Variants in FMNL3 observed in about 807,000 individuals in gnomAD.
The protein encoded by FMNL3 is formin like 3, also known as formin-like protein 3.
A neutral mutation model predicts 119.6 loss-of-function variants in FMNL3; 57 were observed. The observed-to-expected ratio is 0.48, with a 90% CI of 0.39 to 0.59. FMNL3 has a LOEUF of 0.59. FMNL3 is among the 20% of genes least tolerant of loss of function. The probability of loss-of-function intolerance (pLI) is 0.00; values close to 1 mark genes in which losing one functional copy is unlikely to be tolerated. For synonymous variants in FMNL3, 491 were observed against 507.3 expected (o/e 0.97, Z 0.43); for missense variants, 1,053 against 1,323.5 (o/e 0.80, Z 3.17).
chr12:49,664,704 GCA>G, intron 4 of FMNL3, among the ~76,000 whole-genome samples: 1 of 152,202 alleles, frequency 6.6e-6, no homozygotes, highest in Non-Finnish European at 1.5e-5. Flanking sequence ...GGCCACCAGA[GCA>G]CAGTTACTGA....
At chr12:49,683,617 T>C (rs893161953) in intron 1 of FMNL3, among the ~76,000 whole-genome samples, 1 of 152,172 alleles carries the variant, frequency 6.6e-6, no homozygotes, top group African/African-American at 2.4e-5. Context: ...TAGGCTCCCA[T>C]CATCACCACC....
Position 49,649,408 on chromosome 12 carries a change from G to T in FMNL3, c.2304+62C>A. The T allele has an allele frequency of 6.2e-7, 1 of 1,612,666 alleles. No individual in the cohort carries two copies. Among genetic ancestry groups the T allele is most frequent in the Non-Finnish European group, 8.5e-7 (1 of 1,178,850 alleles). ...AAGGCTCCTTCTTCCTCTCTGTATAGCCCCAGGCCCCCACCTAGGACCTGA... is the reference window on the plus strand; with the variant it reads ...AAGGCTCCTTCTTCCTCTCTGTATATCCCCAGGCCCCCACCTAGGACCTGA... On this transcript the variant is annotated intron_variant, in intron 19 of 25. Transcript: ENST00000335154. This position sits in a 1 kb window ranked among gnomAD's most constrained non-coding sequence, Gnocchi z 5.6.
intron 5 of FMNL3, among the ~76,000 whole-genome samples, chr12:49,660,509 C>T (rs1218876274): frequency 6.6e-6 from 1 of 152,120 alleles, no homozygotes; most frequent in Non-Finnish European, 1.5e-5. Flanking sequence ...TCTGCTGAGA[C>T]AAGAATGCAG....
In FMNL3 at chr12:49,642,678, G is replaced by A; in HGVS notation, c.*3137C>T. ...GGGAGTTCCTACAGGTGCTGGAGGT[G>A]AGGCAGGCTTGTCCTCTGGATCTGC... On this transcript the variant is annotated 3_prime_UTR_variant, in exon 26 of 26. Transcript: ENST00000335154. The surrounding 1 kb of genome is among the most constrained non-coding windows in gnomAD (Gnocchi z 5.8). The A allele has an allele frequency of 6.2e-7, 1 of 1,613,540 alleles. No individual in the cohort carries two copies. The highest frequency in any genetic ancestry group is 1.1e-5 in the South Asian group (1 of 90,936).
At chr12:49,651,716 T>C (rs559151186) in intron 14 of FMNL3, among the ~76,000 whole-genome samples, 1 of 152,232 alleles carries the variant, frequency 6.6e-6, no homozygotes, top group Non-Finnish European at 1.5e-5. Context: ...ATCTTTATGA[T>C]CCTTAAAACA....
In FMNL3 at chr12:49,656,516, A is replaced by G; in HGVS notation, c.792-19T>C. 6.2e-7 allele frequency: 1 copy of G among 1,603,804 alleles called. No individual in the cohort carries two copies. Among genetic ancestry groups the G allele is most frequent in the Middle Eastern group, 1.7e-4 (1 of 6,026 alleles). ...TTTGGTCCTAAGGGGTGAAGAAGGA[A>G]GATTAACACCCTAACTCCCCATCCT... On this transcript the variant is annotated intron_variant, in intron 8 of 25. Transcript: ENST00000335154.
Position 49,650,815 on chromosome 12 carries a change from G to A in FMNL3, c.1861C>T (p.Leu621Phe), listed in dbSNP as rs779652912. Reference protein sequence around the residue: ...KTKAQGPALDLICSKNKTAQK... With the variant: ...KTKAQGPALDFICSKNKTAQK... ...GCTGTCTTGTTTTTGGAGCAGATGA[G>A]GTCAAGGGCAGGGCCCTGCGCTTTT... The change falls in exon 17 of 26, where the codon CTC becomes TTC. Residue 621 changes from leucine (L) to phenylalanine (F), a missense_variant. Physicochemically the swap from Leu to Phe is conservative, Grantham distance 22. Coordinates refer to ENST00000335154, the MANE Select transcript of FMNL3 (RefSeq NM_175736.5). 23 of 1,614,086 alleles carry A rather than the reference G, an allele frequency of 1.4e-5. No individual in the cohort carries two copies. The highest frequency in any genetic ancestry group is 5.0e-5 in the Admixed American group (3 of 60,008).
In FMNL3 at chr12:49,647,141, C is replaced by G. The variant is rs2138701722; in HGVS notation, c.2872-132G>C. The G allele has an allele frequency of 1.3e-6, 2 of 1,555,462 alleles. No homozygotes were observed. The highest frequency in any genetic ancestry group is 4.5e-5 in the East Asian group (2 of 44,426). On this transcript the variant is annotated intron_variant, in intron 24 of 25. Coordinates refer to ENST00000335154, the MANE Select transcript of FMNL3 (RefSeq NM_175736.5). The surrounding 1 kb of genome is among the most constrained non-coding windows in gnomAD (Gnocchi z 4.9). ...GAATCCCCAAAGGCCCTCCCTCCAT[C>G]CCTCTGGATGCCAGCCCACTGGCCC... is the stretch of plus-strand genomic sequence containing the variant.
rs376434775 is a variant in FMNL3, at chr12:49,643,262, C to T, written c.*2553G>A. On this transcript the variant is annotated 3_prime_UTR_variant, in exon 26 of 26. Transcript: ENST00000335154. ...AGAAGAGGAGCTGCCCCCACCATCT[C>T]TCCGGCCCCCCAAGCGGAGGAGGCG... 8.1e-6 allele frequency: 13 copies of T among 1,614,000 alleles called. No homozygotes were observed. In the South Asian group the frequency reaches 1.2e-4, roughly 15 times the overall value.
chr12:49,646,047 C>A, intron 25 of FMNL3, 144 bp from the exon 26 acceptor site: 1 of 652,570 alleles, frequency 1.5e-6, no homozygotes, highest in East Asian at 3.1e-5. Context: ...TGAGGGGTAC[C>A]CAGTTGGGGA....
At chr12:49,660,642 G>T (rs1370748606) in intron 5 of FMNL3, among the ~76,000 whole-genome samples, 1 of 152,212 alleles carries the variant, frequency 6.6e-6, no homozygotes, top group Non-Finnish European at 1.5e-5. Context: ...AATGGCCAAG[G>T]GGGCAAGGAC....
chr12:49,654,002 GT>G, intron 11 of FMNL3, 128 bp from the exon 12 acceptor site: 6 of 1,368,702 alleles, frequency 4.4e-6, no homozygotes, highest in Non-Finnish European at 5.9e-6. Context: ...TGCAGGCCAT[GT>G]CAGATTCTCG....
chr12:49,643,052 T>C lies in FMNL3; in HGVS notation c.*2763A>G. 1.2e-6 allele frequency: 2 copies of C among 1,605,962 alleles called. No homozygotes were observed. Among genetic ancestry groups the C allele is most frequent in the South Asian group, 2.2e-5 (2 of 90,614 alleles). ...GTGTAGAAGGGACATGGGGTGAAGC[T>C]GGGTTGTTTTGGGGAAATAAACACT... is the stretch of plus-strand genomic sequence containing the variant. On this transcript the variant is annotated 3_prime_UTR_variant, in exon 26 of 26. Coordinates refer to ENST00000335154, the MANE Select transcript of FMNL3 (RefSeq NM_175736.5).
chr12:49,674,481 G>A (rs1405095230), intron 1 of FMNL3, among the ~76,000 whole-genome samples: 1 of 152,088 alleles, frequency 6.6e-6, no homozygotes, highest in East Asian at 1.9e-4. Context: ...GCCTCCCCAG[G>A]GCAGCTCCCC....
intron 1 of FMNL3, 28 bp downstream of exon 1, chr12:49,707,027 G>A (rs1000366917): frequency 2.2e-5 from 35 of 1,559,468 alleles, no homozygotes; most frequent in Non-Finnish European, 3.0e-5. Flanking sequence ...GGCGGTACGC[G>A]GGGGAAGGGG....
intron 1 of FMNL3, 82 bp downstream of exon 1, chr12:49,706,973 G>C: frequency 2.1e-6 from 3 of 1,457,574 alleles, no homozygotes; most frequent in South Asian, 1.3e-5. Flanking sequence ...TGGGCGGGAC[G>C]GGGGCCCAGC....
intron 1 of FMNL3, among the ~76,000 whole-genome samples, chr12:49,704,158 A>G (rs376906406): frequency 1.1e-4 from 16 of 152,142 alleles, no homozygotes; most frequent in Admixed American, 5.9e-4. Flanking sequence ...ATCCCCATGT[A>G]TAAGAGAAGA....
intron 1 of FMNL3, among the ~76,000 whole-genome samples, chr12:49,697,044 T>C (rs1413903068): frequency 2.0e-5 from 3 of 152,132 alleles, no homozygotes; most frequent in East Asian, 1.9e-4. Flanking sequence ...AGAGGGGAAA[T>C]AGGGACCACA....
rs775397435 is a variant in FMNL3 at position 49,658,583 on chromosome 12, T to A, written c.464A>T (p.Glu155Val). 2 of 1,608,402 alleles carry A rather than the reference T, an allele frequency of 1.2e-6. No homozygotes were observed. The highest frequency in any genetic ancestry group is 1.7e-6 in the Non-Finnish European group (2 of 1,177,210). ...FAQCSVMFDFEGLESGDDGAF... is the reference protein window; with the variant it reads ...FAQCSVMFDFVGLESGDDGAF... The stretch of plus-strand genomic sequence containing the variant: ...ACCATCGTCACCACTTTCCAGACCC[T>A]CAAAGTCAAACCTGGAGCATGAAAG... The change falls in exon 6 of 26, where the codon GAG (glutamate) becomes GTG (valine). Residue 155 changes from glutamate (E) to valine (V), a missense_variant. This residue lies in a region of FMNL3 where 264 missense variants were observed against 265.5 expected (regional missense o/e 0.99). Coordinates refer to ENST00000335154, the MANE Select transcript of FMNL3 (RefSeq NM_175736.5).
Sources: allele counts gnomAD v4.1 joint callset (sites outside exome capture counted in the v4.1 genomes callset), GRCh38; gene constraint gnomAD v4.1.1; regional missense constraint gnomAD v4.1.1; non-coding constraint Gnocchi (gnomAD v3.1); transcripts MANE v1.5; gene names NCBI Gene and HGNC (gene_info 2026-07-23, HGNC 2026-07-21).